CLSTN2: variants seen among roughly 807,000 people sequenced by gnomAD.
The protein encoded by CLSTN2 is calsyntenin 2, also known as calsyntenin-2.
In CLSTN2, 48 loss-of-function variants were observed where a neutral mutation model predicts 101.2. That is an observed-to-expected ratio of 0.47 (90% CI 0.38 to 0.60). The LOEUF (loss-of-function observed/expected upper bound fraction) is 0.60. Among genes scored for constraint, CLSTN2 ranks in the 20% least tolerant of loss-of-function variants. The pLI is 0.00. For missense variants in CLSTN2, 1,160 were observed against 1,238.2 expected, an observed-to-expected ratio of 0.94 and a Z score of 0.95; for synonymous variants, 481 against 463.6, an observed-to-expected ratio of 1.04 and a Z score of -0.48.
At chr3:140,336,942 A>G (rs999819) in intron 2 of CLSTN2, among the ~76,000 whole-genome samples, 86,699 of 151,766 alleles carry the variant, frequency 0.57, 25,360 homozygotes, top group Non-Finnish European at 0.64. Flanking sequence ...TCCCCACACC[A>G]CCAATAATTC....
intron 10 of CLSTN2, among the ~76,000 whole-genome samples, chr3:140,552,370 A>T (rs1935718317): frequency 1.3e-5 from 2 of 148,890 alleles, no homozygotes. Flanking sequence ...TTAATCAGAA[A>T]CCCACCCACA....
chr3:140,078,921 G>C (rs34456374), intron 1 of CLSTN2, among the ~76,000 whole-genome samples: 16,402 of 152,228 alleles, frequency 0.11, 1,330 homozygotes, highest in East Asian at 0.28. Flanking sequence ...TTGAAAAAGG[G>C]AATTGAGATA....
chr3:140,217,120 A>G (rs1226591538), intron 2 of CLSTN2, among the ~76,000 whole-genome samples: 1 of 152,172 alleles, frequency 6.6e-6, no homozygotes, highest in East Asian at 1.9e-4. Context: ...ATTCTTGTGG[A>G]AGGAGAGGAT....
rs1226140178 is a variant in CLSTN2, at chr3:140,240,174, CTATATA to C, written c.232+64122_232+64127del. Among the ~76,000 whole-genome samples the C allele has an allele frequency of 5.1e-3, 68 of 13,352 alleles. 5 individuals are homozygous for C. In the East Asian group the frequency reaches 0.12, roughly 25 times the overall value. The allele number at this position is 13,352 out of a possible 152,430, so 8.8% of individuals were successfully genotyped here. On this transcript the variant is annotated intron_variant, in intron 2 of 16. Transcript: ENST00000458420. ...TCTGTCTCTCTCTCTCTCTCTCTCT[CTATATA>C]TATATATATATATATATATACACAC...
At chr3:140,383,261 G>C (rs909790625) in intron 2 of CLSTN2, among the ~76,000 whole-genome samples, 3 of 152,130 alleles carry the variant, frequency 2.0e-5, no homozygotes, top group African/African-American at 4.8e-5. Flanking sequence ...CTTCATAAGG[G>C]GATGTCACCT....
At chr3:139,976,553 G>A (rs1160958250) in intron 1 of CLSTN2, among the ~76,000 whole-genome samples, 1 of 152,224 alleles carries the variant, frequency 6.6e-6, no homozygotes, top group East Asian at 1.9e-4. Context: ...GTAGAGCCAG[G>A]ATTCAAATGG....
chr3:140,380,743 A>G (rs1188335404), intron 2 of CLSTN2, among the ~76,000 whole-genome samples: 1 of 152,186 alleles, frequency 6.6e-6, no homozygotes, highest in Non-Finnish European at 1.5e-5. Context: ...GCTGGAACCA[A>G]TCTTTTCTCA....
At chr3:140,491,613 G>A (rs1204538739) in intron 8 of CLSTN2, among the ~76,000 whole-genome samples, 1 of 152,218 alleles carries the variant, frequency 6.6e-6, no homozygotes, top group Non-Finnish European at 1.5e-5. Flanking sequence ...CTTGAGTCCA[G>A]AAGTTGGAGA....
chr3:140,542,141 C>T (rs894211215), intron 9 of CLSTN2, among the ~76,000 whole-genome samples: 1 of 152,042 alleles, frequency 6.6e-6, no homozygotes, highest in Non-Finnish European at 1.5e-5. Flanking sequence ...TTTTTTTTCC[C>T]TCTTACCTGT....
chr3:140,530,326 C>T (rs72976052), intron 8 of CLSTN2, among the ~76,000 whole-genome samples: 10,651 of 152,188 alleles, frequency 0.07, 1,245 homozygotes, highest in African/African-American at 0.24. Context: ...TGTTGTTTCA[C>T]GGATGTTTAT....
chr3:140,041,693 C>G (rs561898778), intron 1 of CLSTN2, among the ~76,000 whole-genome samples: 10 of 152,292 alleles, frequency 6.6e-5, no homozygotes, highest in African/African-American at 1.9e-4. Context: ...GGTCTCCTTT[C>G]CGGGCCTCAC....
At chr3:140,377,567 TA>T (rs1272441616) in intron 2 of CLSTN2, among the ~76,000 whole-genome samples, 2 of 152,052 alleles carry the variant, frequency 1.3e-5, no homozygotes, top group African/African-American at 2.4e-5. Flanking sequence ...TCTTAGTTTT[TA>T]ACAAAAAGCT....
At chr3:140,456,712 G>A (rs960598145) in intron 6 of CLSTN2, among the ~76,000 whole-genome samples, 6 of 152,028 alleles carry the variant, frequency 3.9e-5, no homozygotes, top group African/African-American at 7.2e-5. Flanking sequence ...GCTTGAACCC[G>A]GGAAGCAGAG....
intron 1 of CLSTN2, among the ~76,000 whole-genome samples, chr3:139,954,683 T>C (rs1247794967): frequency 6.6e-6 from 1 of 152,176 alleles, no homozygotes; most frequent in Non-Finnish European, 1.5e-5. Flanking sequence ...AGAGCACCTA[T>C]AAGTGGATTT....
chr3:140,186,918 A>G (rs1434865256), intron 2 of CLSTN2, among the ~76,000 whole-genome samples: 1 of 152,164 alleles, frequency 6.6e-6, no homozygotes, highest in Non-Finnish European at 1.5e-5. Flanking sequence ...GCAAGGAGTT[A>G]AAAAAACAAA....
intron 1 of CLSTN2, among the ~76,000 whole-genome samples, chr3:140,112,508 G>C (rs1018153667): frequency 6.6e-6 from 1 of 152,204 alleles, no homozygotes; most frequent in Non-Finnish European, 1.5e-5. Context: ...ACGTGGTGCA[G>C]ATGCAGACAG....
At chr3:140,266,271 A>G (rs2086693289) in intron 2 of CLSTN2, among the ~76,000 whole-genome samples, 2 of 152,216 alleles carry the variant, frequency 1.3e-5, no homozygotes, top group Admixed American at 6.5e-5. Flanking sequence ...TGAAACCAAT[A>G]AAAAGCATAA....
At chr3:140,257,928 A>G (rs2086617856) in intron 2 of CLSTN2, among the ~76,000 whole-genome samples, 1 of 152,172 alleles carries the variant, frequency 6.6e-6, no homozygotes, top group South Asian at 2.1e-4. Context: ...GGCTCTTCAC[A>G]TATATTCTTT....
chr3:140,466,228 G>GA (rs1347302536), intron 7 of CLSTN2, among the ~76,000 whole-genome samples: 1 of 152,190 alleles, frequency 6.6e-6, no homozygotes, highest in Non-Finnish European at 1.5e-5. Context: ...AAGGAGCACA[G>GA]AGTGACTGAT....
Sources: allele counts gnomAD v4.1 joint callset (sites outside exome capture counted in the v4.1 genomes callset), GRCh38; gene constraint gnomAD v4.1.1; transcripts MANE v1.5; gene names NCBI Gene and HGNC (gene_info 2026-07-23, HGNC 2026-07-21).